AGBL4: variants seen among roughly 807,000 people sequenced by gnomAD.
AGBL4 encodes cytosolic carboxypeptidase 6.
Under a neutral mutation model 66.4 loss-of-function variants are expected in AGBL4, and 58 were observed. The observed-to-expected ratio is 0.87, with a 90% confidence interval of 0.71 to 1.09. The LOEUF is 1.09. Ranked by LOEUF, AGBL4 falls within the 50% of genes least tolerant of loss-of-function variation. AGBL4 has a pLI of 0.00. For missense variants in AGBL4, 579 were observed against 631.0 expected (o/e 0.92, Z 0.88); for synonymous variants, 234 against 222.9 (o/e 1.05, Z -0.44).
chr1:48,703,732 T>C (rs1646839021), intron 6 of AGBL4, among the ~76,000 whole-genome samples: 2 of 152,058 alleles, frequency 1.3e-5, no homozygotes, highest in African/African-American at 4.8e-5. Flanking sequence ...CAAAAACCCA[T>C]CTCTGAATTT....
At chr1:48,547,820 C>A (rs1228481932) in intron 11 of AGBL4, among the ~76,000 whole-genome samples, 1 of 152,092 alleles carries the variant, frequency 6.6e-6, no homozygotes, top group East Asian at 1.9e-4. Context: ...AGAGTGCACA[C>A]AAGTGGGAAT....
At chr1:49,204,309 C>T (rs1647958984) in intron 4 of AGBL4, among the ~76,000 whole-genome samples, 1 of 152,012 alleles carries the variant, frequency 6.6e-6, no homozygotes, top group Non-Finnish European at 1.5e-5. Flanking sequence ...CTTGCTCTGT[C>T]ATCCAGGCTG....
chr1:49,802,574 C>T (rs1006094106), intron 2 of AGBL4, among the ~76,000 whole-genome samples: 2 of 152,162 alleles, frequency 1.3e-5, no homozygotes, highest in South Asian at 2.1e-4. Flanking sequence ...CTTCTGCATA[C>T]AAATGTTATG....
rs552235461 is a variant in AGBL4, at chr1:49,587,493, C to T, written c.282+109820G>A. 7.9e-5 allele frequency among the ~76,000 whole-genome samples: 12 copies of T among 152,228 alleles called. No homozygotes were observed. The South Asian group carries it at 1.0e-3, about 13-fold the overall frequency. Reference sequence around the variant, plus strand: ...TCACCTCTGTATCACTTATGCCTAACGCAATGTCATTGCATAGTATTCATG... The same window carrying T: ...TCACCTCTGTATCACTTATGCCTAATGCAATGTCATTGCATAGTATTCATG... On this transcript the variant is annotated intron_variant, in intron 3 of 13. Coordinates refer to ENST00000371839, the MANE Select transcript of AGBL4 (RefSeq NM_032785.4).
chr1:49,731,421 G>T (rs1024245953), intron 2 of AGBL4, among the ~76,000 whole-genome samples: 1 of 152,100 alleles, frequency 6.6e-6, no homozygotes, highest in Non-Finnish European at 1.5e-5. Context: ...TATTTATGTT[G>T]TTAGTTTAAA....
At chr1:49,624,149 C>T (rs1313389284) in intron 3 of AGBL4, among the ~76,000 whole-genome samples, 4 of 151,954 alleles carry the variant, frequency 2.6e-5, no homozygotes, top group Non-Finnish European at 4.4e-5. Flanking sequence ...ATCATAATTA[C>T]CATCATCACC....
chr1:49,313,769 C>A (rs1644985453), intron 3 of AGBL4, among the ~76,000 whole-genome samples: 1 of 151,916 alleles, frequency 6.6e-6, no homozygotes, highest in Non-Finnish European at 1.5e-5. Flanking sequence ...AGATATTAGC[C>A]CTTTGTCAGA....
intron 3 of AGBL4, among the ~76,000 whole-genome samples, chr1:49,480,019 A>T (rs950000496): frequency 6.6e-6 from 1 of 151,822 alleles, no homozygotes; most frequent in Non-Finnish European, 1.5e-5. Flanking sequence ...CATTTTCTTT[A>T]TCTAGTCTAT....
At chr1:49,568,783 A>G (rs1428601789) in intron 3 of AGBL4, among the ~76,000 whole-genome samples, 2 of 152,216 alleles carry the variant, frequency 1.3e-5, no homozygotes, top group African/African-American at 4.8e-5. Context: ...TGTAACCAAA[A>G]CAGCATGGTA....
intron 3 of AGBL4, among the ~76,000 whole-genome samples, chr1:49,684,596 AAAGGTGAAATAT>A (rs1646754277): frequency 6.6e-6 from 1 of 152,192 alleles, no homozygotes; most frequent in African/African-American, 2.4e-5. Context: ...AAGCACAATA[AAAGGTGAAATAT>A]AACTACCCCA....
chr1:49,480,938 G>C (rs975952736), intron 3 of AGBL4, among the ~76,000 whole-genome samples: 9 of 152,016 alleles, frequency 5.9e-5, no homozygotes, highest in Non-Finnish European at 2.9e-5. Context: ...TCACAGATCA[G>C]ATACTTGTAG....
chr1:49,761,021 G>T (rs543658009), intron 2 of AGBL4, among the ~76,000 whole-genome samples: 1 of 152,146 alleles, frequency 6.6e-6, no homozygotes, highest in African/African-American at 2.4e-5. Context: ...GGCCTGTTGG[G>T]GGGTGGGGGT....
At chr1:49,874,951 A>C (rs1646943418) in intron 1 of AGBL4, among the ~76,000 whole-genome samples, 1 of 142,482 alleles carries the variant, frequency 7.0e-6, no homozygotes, top group Non-Finnish European at 1.5e-5. Context: ...CATTAGGTAT[A>C]TCTCCCAATG....
chr1:49,514,982 G>T (rs1211420134), intron 3 of AGBL4, among the ~76,000 whole-genome samples: 3 of 152,038 alleles, frequency 2.0e-5, no homozygotes, highest in Non-Finnish European at 4.4e-5. Flanking sequence ...CATGGGCAAG[G>T]ACTTCATGTC....
intron 2 of AGBL4, among the ~76,000 whole-genome samples, chr1:49,747,439 T>C (rs1403024188): frequency 2.6e-5 from 4 of 152,176 alleles, no homozygotes. Flanking sequence ...TAAGAAATTC[T>C]GATGAACAAA....
chr1:49,218,830 C>T (rs1284532298), intron 4 of AGBL4, among the ~76,000 whole-genome samples: 1 of 152,014 alleles, frequency 6.6e-6, no homozygotes, highest in African/African-American at 2.4e-5. Context: ...AGGTCTTTCC[C>T]ATACCACTCT....
intron 3 of AGBL4, among the ~76,000 whole-genome samples, chr1:49,315,207 C>T (rs1022560416): frequency 6.6e-6 from 1 of 152,172 alleles, no homozygotes; most frequent in African/African-American, 2.4e-5. Context: ...AAAACTGAAA[C>T]TGGACCCCTT....
At chr1:49,327,083 T>C (rs1442855804) in intron 3 of AGBL4, among the ~76,000 whole-genome samples, 1 of 152,178 alleles carries the variant, frequency 6.6e-6, no homozygotes, top group African/African-American at 2.4e-5. Context: ...CTCCTCTGAC[T>C]TTAACCTTCC....
At chr1:49,933,579 T>C (rs1653593736) in intron 1 of AGBL4, among the ~76,000 whole-genome samples, 1 of 152,018 alleles carries the variant, frequency 6.6e-6, no homozygotes, top group Non-Finnish European at 1.5e-5. Context: ...TATTAAGAAC[T>C]ATAAATTACA....
Sources: allele counts gnomAD v4.1 joint callset (sites outside exome capture counted in the v4.1 genomes callset), GRCh38; gene constraint gnomAD v4.1.1; transcripts MANE v1.5; gene names NCBI Gene and HGNC (gene_info 2026-07-23, HGNC 2026-07-21).